Variants in ENTREP2 observed in about 807,000 individuals in gnomAD.
ENTREP2 encodes the protein endosomal transmembrane epsin interactor 2.
the ENTREP2 span, among the ~76,000 whole-genome samples, chr15:29,573,295 C>T: frequency 1.6e-4 from 24 of 152,148 alleles, no homozygotes; most frequent in Non-Finnish European, 3.2e-4. Flanking sequence ...ATTAAACTTA[C>T]TTCACATTTC....
At chr15:29,333,833 G>T in the ENTREP2 span, among the ~76,000 whole-genome samples, 913 of 152,066 alleles carry the variant, frequency 6.0e-3, 4 homozygotes, top group Middle Eastern at 0.02. Context: ...AGTAGGGGAG[G>T]CCCGCGGTCC....
At chr15:29,146,483 A>G in the ENTREP2 span, among the ~76,000 whole-genome samples, 1 of 152,240 alleles carries the variant, frequency 6.6e-6, no homozygotes, top group Non-Finnish European at 1.5e-5. Flanking sequence ...TTGAGAGTCC[A>G]GAAATAAACA....
the ENTREP2 span, among the ~76,000 whole-genome samples, chr15:29,277,828 T>G: frequency 6.6e-6 from 1 of 152,122 alleles, no homozygotes; most frequent in Non-Finnish European, 1.5e-5. Context: ...AGACTACGCT[T>G]TAGCCTAAAG....
At chr15:29,540,713 T>C in the ENTREP2 span, among the ~76,000 whole-genome samples, 1 of 152,232 alleles carries the variant, frequency 6.6e-6, no homozygotes, top group Non-Finnish European at 1.5e-5. Flanking sequence ...TGTCCCATCA[T>C]CCTATTCTCA....
the ENTREP2 span, among the ~76,000 whole-genome samples, chr15:29,632,241 T>A: frequency 6.6e-6 from 1 of 152,194 alleles, no homozygotes; most frequent in African/African-American, 2.4e-5. Flanking sequence ...CTCTTTTTAC[T>A]TTTCCAAGGG....
the ENTREP2 span, among the ~76,000 whole-genome samples, chr15:29,275,561 T>C: frequency 5.3e-5 from 8 of 152,098 alleles, no homozygotes; most frequent in African/African-American, 1.4e-4. Flanking sequence ...AAAGAAAAAA[T>C]CAAAAGTCTT....
At chr15:29,401,226 C>T in the ENTREP2 span, among the ~76,000 whole-genome samples, 1 of 151,868 alleles carries the variant, frequency 6.6e-6, no homozygotes. Flanking sequence ...TAAAAAAAAC[C>T]CATAAAACCA....
the ENTREP2 span, among the ~76,000 whole-genome samples, chr15:29,458,273 G>C: frequency 6.6e-6 from 1 of 152,014 alleles, no homozygotes; most frequent in Non-Finnish European, 1.5e-5. Context: ...GATCTATCTG[G>C]GCCCTCCACA....
the ENTREP2 span, among the ~76,000 whole-genome samples, chr15:29,608,676 C>G: frequency 7.2e-5 from 11 of 151,860 alleles, no homozygotes; most frequent in African/African-American, 2.2e-4. Flanking sequence ...CGCCCATTCT[C>G]CTGACTCAGC....
the ENTREP2 span, among the ~76,000 whole-genome samples, chr15:29,129,086 C>T: frequency 9.2e-5 from 14 of 152,246 alleles, no homozygotes; most frequent in East Asian, 5.8e-4. Flanking sequence ...TTTTTTGAGA[C>T]GGAGTCTTGC....
the ENTREP2 span, among the ~76,000 whole-genome samples, chr15:29,365,105 T>C: frequency 0.012 from 1,753 of 152,272 alleles, 35 homozygotes; most frequent in African/African-American, 0.041. Context: ...CAACCACTTA[T>C]CTTATTACTG....
At chr15:29,287,763 A>C in the ENTREP2 span, among the ~76,000 whole-genome samples, 1 of 152,242 alleles carries the variant, frequency 6.6e-6, no homozygotes, top group Non-Finnish European at 1.5e-5. Context: ...CAATTTACTA[A>C]AAAGCTCATG....
At chr15:29,151,234 C>T in the ENTREP2 span, among the ~76,000 whole-genome samples, 1 of 152,098 alleles carries the variant, frequency 6.6e-6, no homozygotes, top group African/African-American at 2.4e-5. Flanking sequence ...TGTGTATGAC[C>T]CTGGGCAAAG....
chr15:29,199,381 A>C, the ENTREP2 span, among the ~76,000 whole-genome samples: 1 of 152,238 alleles, frequency 6.6e-6, no homozygotes, highest in Non-Finnish European at 1.5e-5. Flanking sequence ...GGAAGTTCTA[A>C]GAGAATGGGA....
the ENTREP2 span, among the ~76,000 whole-genome samples, chr15:29,274,139 G>A: frequency 1.4e-4 from 22 of 152,326 alleles, no homozygotes; most frequent in Admixed American, 1.4e-3. Flanking sequence ...GGTATCCACT[G>A]AGGGTCTTGG....
the ENTREP2 span, among the ~76,000 whole-genome samples, chr15:29,618,094 C>T: frequency 6.6e-6 from 1 of 152,128 alleles, no homozygotes; most frequent in Non-Finnish European, 1.5e-5. Flanking sequence ...GTTCATCTGT[C>T]TGTAGCCATG....
the ENTREP2 span, among the ~76,000 whole-genome samples, chr15:29,297,810 C>T: frequency 6.6e-6 from 1 of 152,090 alleles, no homozygotes; most frequent in African/African-American, 2.4e-5. Context: ...AATGCTTCGG[C>T]TCTTGAACAG....
the ENTREP2 span, among the ~76,000 whole-genome samples, chr15:29,604,608 T>C: frequency 6.6e-6 from 1 of 152,192 alleles, no homozygotes; most frequent in Non-Finnish European, 1.5e-5. Flanking sequence ...AAAAATACAT[T>C]GAAAAGGAGT....
At chr15:29,478,186 G>A in the ENTREP2 span, among the ~76,000 whole-genome samples, 49 of 151,010 alleles carry the variant, frequency 3.2e-4, no homozygotes, top group Middle Eastern at 6.9e-3. Context: ...CACCACGCCC[G>A]GCTAATTTTT....
Sources: allele counts gnomAD v4.1 joint callset (sites outside exome capture counted in the v4.1 genomes callset), GRCh38; gene constraint gnomAD v4.1.1; transcripts MANE v1.5; gene names NCBI Gene and HGNC (gene_info 2026-07-23, HGNC 2026-07-21).